The following SMARCC1 variants were observed in gnomAD, a reference collection of about 807,000 sequenced individuals.
SMARCC1 encodes SWI/SNF related BAF chromatin remodeling complex subunit C1.
A neutral mutation model predicts 147.4 loss-of-function variants in SMARCC1; 43 were observed. That is an observed-to-expected ratio of 0.29 (90% confidence interval 0.23 to 0.38). The LOEUF (loss-of-function observed/expected upper bound fraction) is 0.38, where lower values mean the gene tolerates loss of function less well. Among genes scored for constraint, SMARCC1 ranks in the 10% least tolerant of loss-of-function variants. The probability of loss-of-function intolerance (pLI) is 1.00; values close to 1 mark genes in which losing one functional copy is unlikely to be tolerated. For synonymous variants in SMARCC1, 495 were observed against 484.4 expected (o/e 1.02, Z -0.29); for missense variants, 1,119 against 1,381.1 (o/e 0.81, Z 3.01).
At chr3:47,673,396 G>GC (rs1419454380) in intron 18 of SMARCC1, among the ~76,000 whole-genome samples, 1 of 29,414 alleles carries the variant, frequency 3.4e-5, no homozygotes, top group Non-Finnish European at 1.1e-4. Flanking sequence ...AAAAAAAAAA[G>GC]GGTGGGGGGG....
In SMARCC1 at chr3:47,770,052, C is replaced by T. The variant is rs373113975; in HGVS notation, c.315+2765G>A. Among the ~76,000 whole-genome samples the T allele has an allele frequency of 3.9e-3, 593 of 151,564 alleles. 5 individuals are homozygous for T. Among genetic ancestry groups the T allele is most frequent in the African/African-American group, 0.013 (538 of 41,302 alleles). On this transcript the variant is annotated intron_variant, in intron 2 of 27. Coordinates refer to ENST00000254480, the MANE Select transcript of SMARCC1 (RefSeq NM_003074.4). ...CATCCTAGCTAACACAGTGAAACCC[C>T]GTCTCTACTAAAAATACAAAAAAAA... is the stretch of plus-strand genomic sequence containing the variant.
chr3:47,653,205 C>A (rs2033215594), intron 21 of SMARCC1, among the ~76,000 whole-genome samples: 3 of 152,302 alleles, frequency 2.0e-5, no homozygotes, highest in African/African-American at 4.8e-5. Context: ...GATCCACCCG[C>A]CTCGGCCTCC....
chr3:47,719,949 C>T (rs1465195173), intron 7 of SMARCC1, among the ~76,000 whole-genome samples: 1 of 152,008 alleles, frequency 6.6e-6, no homozygotes, highest in East Asian at 1.9e-4. Flanking sequence ...GTTGGCCAGG[C>T]TGGTCTTGAA....
intron 26 of SMARCC1, among the ~76,000 whole-genome samples, chr3:47,596,707 T>G (rs1453933953): frequency 6.6e-6 from 1 of 151,758 alleles, no homozygotes; most frequent in Non-Finnish European, 1.5e-5. Context: ...GGGTTACAGG[T>G]GCATGCCACC....
intron 2 of SMARCC1, among the ~76,000 whole-genome samples, chr3:47,769,693 T>G (rs1024606723): frequency 6.6e-6 from 1 of 152,166 alleles, no homozygotes; most frequent in Non-Finnish European, 1.5e-5. Flanking sequence ...ACACAGCTCA[T>G]TAGACTGTGA....
At chr3:47,760,889 T>C (rs940093697) in intron 2 of SMARCC1, among the ~76,000 whole-genome samples, 1 of 151,966 alleles carries the variant, frequency 6.6e-6, no homozygotes, top group Non-Finnish European at 1.5e-5. Flanking sequence ...TCCCAGCACT[T>C]TGGGAGGCCA....
chr3:47,671,199 C>CAAAAAAAA (rs1431984849), intron 18 of SMARCC1, among the ~76,000 whole-genome samples: 1 of 42,790 alleles, frequency 2.3e-5, no homozygotes, highest in African/African-American at 8.1e-5. Context: ...AAAAAAAAAA[C>CAAAAAAAA]ACACACAAAA....
chr3:47,774,075 TG>T (rs2034946313), intron 1 of SMARCC1, among the ~76,000 whole-genome samples: 2 of 152,078 alleles, frequency 1.3e-5, no homozygotes, highest in South Asian at 4.1e-4. Flanking sequence ...AAGGTTAATG[TG>T]GTATGTCTCT....
intron 6 of SMARCC1, among the ~76,000 whole-genome samples, chr3:47,728,481 G>A (rs371609549): frequency 2.4e-4 from 36 of 151,970 alleles, no homozygotes; most frequent in African/African-American, 8.0e-4. Context: ...TTCCTTTTTC[G>A]TTAGGTTTAA....
Position 47,768,803 on chromosome 3 carries a change from G to A in SMARCC1, c.315+4014C>T, listed in dbSNP as rs141792152. ...TCCCACAGAAAATGATAATGATAAA[G>A]CAAATGGGTAAAATGTTAACTGTAG... is the stretch of plus-strand genomic sequence containing the variant. On this transcript the variant is annotated intron_variant, in intron 2 of 27. Coordinates refer to ENST00000254480, the MANE Select transcript of SMARCC1 (RefSeq NM_003074.4). 3.9e-5 allele frequency among the ~76,000 whole-genome samples: 6 copies of A among 152,214 alleles called. 1 individual carries two copies. The highest frequency in any genetic ancestry group is 1.4e-4 in the African/African-American group (6 of 41,552).
chr3:47,676,984 C>T (rs1382666192), intron 16 of SMARCC1, among the ~76,000 whole-genome samples: 1 of 151,948 alleles, frequency 6.6e-6, no homozygotes, highest in African/African-American at 2.4e-5. Context: ...TAACACAGCA[C>T]CCCCAAACCT....
At chr3:47,686,850 T>C (rs1046030467) in intron 13 of SMARCC1, among the ~76,000 whole-genome samples, 1 of 152,130 alleles carries the variant, frequency 6.6e-6, no homozygotes, top group Admixed American at 6.6e-5. Flanking sequence ...CTGGACATAG[T>C]GGTACATGCC....
chr3:47,679,928 T>C (rs556090782), intron 15 of SMARCC1, among the ~76,000 whole-genome samples: 4 of 150,296 alleles, frequency 2.7e-5, no homozygotes, highest in African/African-American at 9.8e-5. Flanking sequence ...TTCATTATAG[T>C]AAAAATTGGT....
intron 24 of SMARCC1, among the ~76,000 whole-genome samples, chr3:47,632,153 C>T (rs949281971): frequency 1.3e-5 from 2 of 152,074 alleles, no homozygotes; most frequent in Non-Finnish European, 2.9e-5. Context: ...GCCAAATGAT[C>T]CATAAAAGTA....
intron 2 of SMARCC1, among the ~76,000 whole-genome samples, chr3:47,764,464 A>G (rs1036128704): frequency 2.6e-5 from 4 of 152,214 alleles, no homozygotes; most frequent in Non-Finnish European, 5.9e-5. Flanking sequence ...CAATCAAATA[A>G]ATAAGTACAA....
intron 7 of SMARCC1, among the ~76,000 whole-genome samples, chr3:47,716,920 G>C (rs2106805190): frequency 6.6e-6 from 1 of 152,220 alleles, no homozygotes; most frequent in African/African-American, 2.4e-5. Context: ...GGCCAGTCTG[G>C]GCAACATATT....
intron 6 of SMARCC1, among the ~76,000 whole-genome samples, chr3:47,722,366 C>T (rs919280870): frequency 1.4e-5 from 2 of 141,346 alleles, no homozygotes; most frequent in African/African-American, 5.3e-5. Flanking sequence ...GGTGCGATCT[C>T]GGCTCACCAC....
At chr3:47,777,953 C>T (rs1454873065) in intron 1 of SMARCC1, among the ~76,000 whole-genome samples, 1 of 151,490 alleles carries the variant, frequency 6.6e-6, no homozygotes, top group Non-Finnish European at 1.5e-5. Context: ...TGCCTGTAAT[C>T]CCAGTACTTT....
chr3:47,647,298 G>A (rs1367098079), intron 21 of SMARCC1, among the ~76,000 whole-genome samples: 2 of 152,134 alleles, frequency 1.3e-5, no homozygotes, highest in East Asian at 3.8e-4. Context: ...TGATCATTCT[G>A]CTTTTCATTT....
Sources: gnomAD v4.1 joint callset for allele counts (sites outside exome capture counted in the v4.1 genomes callset) on GRCh38, gnomAD v4.1.1 for gene constraint, MANE v1.5 for transcripts, NCBI Gene and HGNC (gene_info 2026-07-23, HGNC 2026-07-21) for gene names.